Variants in FAM170A observed in about 807,000 individuals in gnomAD.
FAM170A encodes family with sequence similarity 170 member A, also known as protein FAM170A.
In FAM170A, 28 loss-of-function variants were observed where a neutral mutation model predicts 36.6. The observed-to-expected ratio is 0.76, with a 90% CI of 0.57 to 1.05. FAM170A has a LOEUF of 1.05. FAM170A is among the 50% of genes least tolerant of loss of function. The pLI is 0.00. For missense variants in FAM170A, 434 were observed against 396.5 expected, an observed-to-expected ratio of 1.09 and a Z score of -0.80; for synonymous variants, 156 against 143.9, an observed-to-expected ratio of 1.08 and a Z score of -0.60.
chr5:119,632,693 G>A, intron 1 of FAM170A, 55 bp from the exon 2 acceptor site: 1 of 1,453,198 alleles, frequency 6.9e-7, no homozygotes, highest in Non-Finnish European at 9.3e-7. Context: ...GATGGTAAAT[G>A]ATGCACAAAC....
intron 2 of FAM170A, among the ~76,000 whole-genome samples, 169 bp downstream of exon 2, chr5:119,633,057 G>A (rs1206463571): frequency 1.3e-5 from 2 of 152,098 alleles, no homozygotes; most frequent in Non-Finnish European, 2.9e-5. Context: ...CTCCTTCGGT[G>A]TGACAGTCTT....
chr5:119,632,842 C>T (rs368198758), exon 2 of FAM170A: 100 of 1,612,912 alleles, frequency 6.2e-5, no homozygotes, highest in East Asian at 8.9e-5. Flanking sequence ...CTTCTACCTC[C>T]GAATACTGCT....
chr5:119,633,356 G>A (rs1315448917), intron 2 of FAM170A, among the ~76,000 whole-genome samples: 1 of 152,136 alleles, frequency 6.6e-6, no homozygotes, highest in African/African-American at 2.4e-5. Context: ...AGGAGAGCAT[G>A]AGCCCTGGTG....
At chr5:119,634,833 T>A (rs1756345275) in intron 3 of FAM170A, 99 bp downstream of exon 3, 7 of 1,348,966 alleles carry the variant, frequency 5.2e-6, no homozygotes, top group Non-Finnish European at 7.1e-6. Flanking sequence ...TAAGGAAGAT[T>A]TGGGGGCTTT....
At chr5:119,631,481 A>G (rs1475699305) in intron 1 of FAM170A, among the ~76,000 whole-genome samples, 1 of 151,916 alleles carries the variant, frequency 6.6e-6, no homozygotes, top group Admixed American at 6.6e-5. Flanking sequence ...CTGCGGGGTG[A>G]ACTTCCTATC....
exon 3 of FAM170A, chr5:119,634,293 T>A: frequency 6.2e-7 from 1 of 1,614,194 alleles, no homozygotes; most frequent in South Asian, 1.1e-5. Context: ...AGAAACCTCC[T>A]GTCTGACAGT....
intron 3 of FAM170A, 139 bp from the exon 4 acceptor site, chr5:119,634,889 T>C (rs1008092388): frequency 7.8e-7 from 1 of 1,274,872 alleles, no homozygotes; most frequent in African/African-American, 1.5e-5. Flanking sequence ...GGATCCCTGC[T>C]TCTTGCCTAG....
chr5:119,632,650 GAC>G (rs1756278202), intron 1 of FAM170A, 96 bp from the exon 2 acceptor site: 3 of 1,200,998 alleles, frequency 2.5e-6, no homozygotes, highest in Non-Finnish European at 3.5e-6. Context: ...CACTACACCT[GAC>G]ATAGGTCAGC....
intron 1 of FAM170A, among the ~76,000 whole-genome samples, chr5:119,630,449 G>A (rs1223080473): frequency 6.6e-6 from 1 of 151,868 alleles, no homozygotes; most frequent in East Asian, 1.9e-4. Context: ...GGGATTATAG[G>A]CGTGAGCCAT....
intron 1 of FAM170A, among the ~76,000 whole-genome samples, chr5:119,630,141 T>C (rs1308283732): frequency 8.6e-6 from 1 of 116,514 alleles, no homozygotes; most frequent in Non-Finnish European, 1.7e-5. Flanking sequence ...TCCGCCTGCC[T>C]CGGCCTCCTT....
chr5:119,630,559 C>T (rs1018391640), intron 1 of FAM170A, among the ~76,000 whole-genome samples: 3 of 152,224 alleles, frequency 2.0e-5, no homozygotes, highest in Middle Eastern at 6.8e-3. Flanking sequence ...GGCTGATGCC[C>T]GCACATCCAT....
intron 1 of FAM170A, among the ~76,000 whole-genome samples, chr5:119,631,412 CAT>C (rs1491190733): frequency 2.6e-5 from 4 of 151,920 alleles, no homozygotes; most frequent in Non-Finnish European, 5.9e-5. Flanking sequence ...TGTGTGTGCA[CAT>C]GTGTGTGTGT....
chr5:119,635,035 G>A, exon 4 of FAM170A: 1 of 1,614,138 alleles, frequency 6.2e-7, no homozygotes, highest in Non-Finnish European at 8.5e-7. Flanking sequence ...CAGCAGCTGA[G>A]ACTTATGGGC....
At chr5:119,632,105 C>G (rs1297462684) in intron 1 of FAM170A, among the ~76,000 whole-genome samples, 1 of 152,176 alleles carries the variant, frequency 6.6e-6, no homozygotes, top group African/African-American at 2.4e-5. Context: ...TCAAATTTAA[C>G]TTGGCATCAG....
At chr5:119,634,901 C>A in intron 3 of FAM170A, 127 bp from the exon 4 acceptor site, 3 of 1,304,508 alleles carry the variant, frequency 2.3e-6, no homozygotes, top group Non-Finnish European at 3.2e-6. Context: ...CTTGCCTAGG[C>A]ATCTAATAAA....
chr5:119,634,997 A>C (rs781202605), intron 3 of FAM170A, 31 bp from the exon 4 acceptor site: 1 of 1,613,684 alleles, frequency 6.2e-7, no homozygotes, highest in South Asian at 1.1e-5. Context: ...TTAACTAAGA[A>C]GTGTCTTTCT....
exon 3 of FAM170A, chr5:119,634,528 T>C: frequency 6.2e-7 from 1 of 1,613,612 alleles, no homozygotes; most frequent in Non-Finnish European, 8.5e-7. Context: ...GCCACGTCTT[T>C]CATCTCACCA....
Position 119,635,218 on chromosome 5 carries a change from G to T in FAM170A, c.*52+132G>T. The T allele has an allele frequency of 4.7e-6, 3 of 636,820 alleles. No homozygotes were observed. The South Asian group carries it at 5.5e-5, about 12-fold the overall frequency. The allele number at this position is 636,820 out of a possible 1,614,324, so 39.4% of individuals were successfully genotyped here. A position where few individuals can be genotyped will look rare whatever the true frequency, so the allele number is the denominator to read the frequency against. On this transcript the variant is annotated intron_variant, in intron 4 of 4. Transcript: ENST00000613773. ...CACATCAACTTATCGTGCACCTGGT[G>T]CTTCTGGGGGAATTGTCCTCCATTT...
At chr5:119,632,845 A>C in exon 2 of FAM170A, 1 of 1,612,986 alleles carries the variant, frequency 6.2e-7, no homozygotes, top group Non-Finnish European at 8.5e-7. Context: ...CTACCTCCGA[A>C]TACTGCTCCT....
Sources: allele counts gnomAD v4.1 joint callset (sites outside exome capture counted in the v4.1 genomes callset), GRCh38; gene constraint gnomAD v4.1.1; transcripts MANE v1.5; gene names NCBI Gene and HGNC (gene_info 2026-07-23, HGNC 2026-07-21).